Variants in REV1 observed in about 807,000 individuals in gnomAD.
The protein encoded by REV1 is REV1 DNA directed polymerase.
REV1 carries 42 observed loss-of-function variants against 137.4 expected under a neutral mutation model. The observed-to-expected ratio is 0.31, with a 90% confidence interval of 0.24 to 0.40. REV1 has a LOEUF of 0.40. Ranked by LOEUF, REV1 falls within the 10% of genes least tolerant of loss-of-function variation. REV1 has a pLI of 1.00. For synonymous variants in REV1, 524 were observed against 519.2 expected (o/e 1.01, Z -0.12); for missense variants, 1,282 against 1,490.1 (o/e 0.86, Z 2.30).
intron 1 of REV1, among the ~76,000 whole-genome samples, chr2:99,470,339 A>T (rs1685277779): frequency 6.6e-6 from 1 of 152,190 alleles, no homozygotes; most frequent in Admixed American, 6.5e-5. Context: ...TTATTAATAC[A>T]GTCATATATA....
chr2:99,443,635 T>C (rs1681795925), intron 4 of REV1, among the ~76,000 whole-genome samples: 1 of 152,206 alleles, frequency 6.6e-6, no homozygotes, highest in Non-Finnish European at 1.5e-5. Context: ...CTATATCAAA[T>C]GCTATAACTA....
At chr2:99,419,024 G>GT in intron 11 of REV1, 77 bp from the exon 12 acceptor site, 2 of 1,155,582 alleles carry the variant, frequency 1.7e-6, no homozygotes, top group Non-Finnish European at 2.5e-6. Context: ...CTTCATACAG[G>GT]TTATCCATCA....
At chr2:99,437,585 T>C (rs1178829303) in intron 6 of REV1, among the ~76,000 whole-genome samples, 1 of 152,174 alleles carries the variant, frequency 6.6e-6, no homozygotes, top group Non-Finnish European at 1.5e-5. Flanking sequence ...CAACTCAAAA[T>C]AACGCTTTTA....
At chr2:99,461,369 T>C (rs1684174420) in intron 3 of REV1, among the ~76,000 whole-genome samples, 1 of 152,244 alleles carries the variant, frequency 6.6e-6, no homozygotes, top group African/African-American at 2.4e-5. Flanking sequence ...CTCCAGCTCT[T>C]GTCCAGTAAA....
intron 10 of REV1, among the ~76,000 whole-genome samples, chr2:99,423,890 G>A (rs1243963765): frequency 6.6e-6 from 1 of 152,192 alleles, no homozygotes; most frequent in East Asian, 1.9e-4. Context: ...CAGACTAGAA[G>A]TAATATAAGC....
intron 11 of REV1, 35 bp from the exon 12 acceptor site, chr2:99,418,982 C>A (rs770170559): frequency 1.3e-6 from 2 of 1,516,688 alleles, no homozygotes; most frequent in South Asian, 2.4e-5. Context: ...GAAATAGTCA[C>A]AATTATTTTT....
chr2:99,477,834 T>C (rs1686156163), intron 1 of REV1, among the ~76,000 whole-genome samples: 2 of 152,212 alleles, frequency 1.3e-5, no homozygotes, highest in Non-Finnish European at 2.9e-5. Context: ...AATCAATAGT[T>C]AATACAAACT....
intron 13 of REV1, among the ~76,000 whole-genome samples, chr2:99,412,279 AAAAC>A (rs1447421176): frequency 6.6e-6 from 1 of 150,892 alleles, no homozygotes; most frequent in African/African-American, 2.4e-5. Context: ...AAAAAAAAAA[AAAAC>A]ATATCCAAAT....
chr2:99,455,081 T>C (rs1273109348), intron 3 of REV1, among the ~76,000 whole-genome samples: 3 of 152,226 alleles, frequency 2.0e-5, no homozygotes, highest in African/African-American at 7.2e-5. Context: ...CACAAAAGCT[T>C]TCCTAGCTAG....
intron 1 of REV1, among the ~76,000 whole-genome samples, chr2:99,483,175 T>C (rs1191918149): frequency 1.3e-5 from 2 of 152,064 alleles, no homozygotes; most frequent in Non-Finnish European, 2.9e-5. Context: ...ATTGAATTTA[T>C]TATGAGTAAA....
chr2:99,417,946 C>A (rs1250672679), intron 12 of REV1, among the ~76,000 whole-genome samples: 1 of 152,142 alleles, frequency 6.6e-6, no homozygotes, highest in Non-Finnish European at 1.5e-5. Flanking sequence ...AACTAACCAT[C>A]AAAAATGTCA....
In REV1 at chr2:99,468,712, C is replaced by G. The variant is rs187778997; in HGVS notation, c.-10-3727G>C. On this transcript the variant is annotated intron_variant, in intron 1 of 22. Transcript: ENST00000258428. ...TTATCCAGTAACTTTAACAGGGCAG[C>G]CAATTACTGTGTTTCAAAAAATTAG... Among the ~76,000 whole-genome samples the G allele has an allele frequency of 2.1e-3, 321 of 152,254 alleles. 2 individuals are homozygous for G. Among genetic ancestry groups the G allele is most frequent in the African/African-American group, 7.5e-3 (313 of 41,540 alleles).
Position 99,402,301 on chromosome 2 carries a change from T to A in REV1, c.3587A>T (p.Asp1196Val). The change falls in exon 22 of 23, where the codon GAT becomes GTT. Residue 1196 changes from aspartate (D) to valine (V), a missense_variant. Transcript: ENST00000258428. ...DILQVVKYCT[D>V]LIEEKDLEKL... Reference sequence around the variant, plus strand: ...TTCCAAATCTTTTTCTTCTATTAGATCAGTACAGTATTTCACAACTTGGAG... The same window carrying A: ...TTCCAAATCTTTTTCTTCTATTAGAACAGTACAGTATTTCACAACTTGGAG... 6.5e-7 allele frequency: 1 copy of A among 1,534,038 alleles called. No individual in the cohort carries two copies. Among genetic ancestry groups the A allele is most frequent in the African/African-American group, 1.4e-5 (1 of 73,200 alleles).
intron 15 of REV1, 145 bp downstream of exon 15, chr2:99,407,880 TTTTG>T (rs1676562522): frequency 1.4e-5 from 6 of 421,492 alleles, no homozygotes; most frequent in East Asian, 1.1e-4. Flanking sequence ...AGTCAAGAAT[TTTTG>T]TTTCTCTTTT....
At chr2:99,407,952 ACCCTTTTGAGAGCAAG>A in intron 15 of REV1, 61 bp downstream of exon 15, 2 of 829,204 alleles carry the variant, frequency 2.4e-6, no homozygotes, top group Non-Finnish European at 3.7e-6. Context: ...ACCAGCAATA[ACCCTTTTGAGAGCAAG>A]CCTCAAAAAT....
intron 4 of REV1, among the ~76,000 whole-genome samples, 175 bp downstream of exon 4, chr2:99,449,161 A>G (rs1682614477): frequency 6.6e-6 from 1 of 152,098 alleles, no homozygotes; most frequent in Non-Finnish European, 1.5e-5. Flanking sequence ...GCTACTCTGG[A>G]AGCTGAGATG....
chr2:99,472,334 A>G (rs1237620330), intron 1 of REV1, among the ~76,000 whole-genome samples: 1 of 152,236 alleles, frequency 6.6e-6, no homozygotes, highest in Admixed American at 6.5e-5. Context: ...GATTCTACCT[A>G]TATGAAGTAT....
Position 99,438,665 on chromosome 2 carries a change from AAAG to A in REV1, c.1146_1148del (p.Phe383del). The A allele has an allele frequency of 6.2e-7, 1 of 1,614,150 alleles. No individual in the cohort carries two copies. Among genetic ancestry groups the A allele is most frequent in the Non-Finnish European group, 8.5e-7 (1 of 1,180,036 alleles). ...TTTTTTTTAACTTTTCCCTTCCTGG[AAAG>A]ATACCATTACTTTGTCTTTGTAGGG... On this transcript the variant is annotated inframe_deletion, in exon 6 of 23. Coordinates refer to ENST00000258428, the MANE Select transcript of REV1 (RefSeq NM_016316.4).
intron 9 of REV1, among the ~76,000 whole-genome samples, chr2:99,429,611 C>T (rs1366602800): frequency 6.6e-6 from 1 of 151,638 alleles, no homozygotes; most frequent in Non-Finnish European, 1.5e-5. Flanking sequence ...CTTTTGGTTC[C>T]TACTACATGA....
Sources: allele counts gnomAD v4.1 joint callset (sites outside exome capture counted in the v4.1 genomes callset), GRCh38; gene constraint gnomAD v4.1.1; transcripts MANE v1.5; gene names NCBI Gene and HGNC (gene_info 2026-07-23, HGNC 2026-07-21).